The following CDH23 variants were observed in gnomAD, a reference collection of about 807,000 sequenced individuals.
The protein encoded by CDH23 is cadherin related 23.
In CDH23, 189 loss-of-function variants were observed where a neutral mutation model predicts 317.1. The observed-to-expected ratio is 0.60, with a 90% CI of 0.53 to 0.67. The LOEUF (loss-of-function observed/expected upper bound fraction) is 0.67, where lower values mean the gene tolerates loss of function less well. Ranked by LOEUF, CDH23 falls within the 30% of genes least tolerant of loss-of-function variation. CDH23 has a pLI of 0.00. For synonymous variants in CDH23, 1,839 were observed against 1,876.8 expected, an observed-to-expected ratio of 0.98 and a Z score of 0.52; for missense variants, 4,401 against 4,592.4, an observed-to-expected ratio of 0.96 and a Z score of 1.20.
intron 9 of CDH23, among the ~76,000 whole-genome samples, chr10:71,608,038 G>A (rs1860634235): frequency 6.6e-6 from 1 of 152,246 alleles, no homozygotes; most frequent in Non-Finnish European, 1.5e-5. Context: ...ACAGCCTGGT[G>A]AGGTAGGAGT....
chr10:71,671,462 C>A (rs1421398209), intron 14 of CDH23, among the ~76,000 whole-genome samples: 1 of 152,132 alleles, frequency 6.6e-6, no homozygotes, highest in African/African-American at 2.4e-5. Flanking sequence ...TATACATAGG[C>A]CCTTGGCACT....
At chr10:71,784,091 C>T (rs370673053) in intron 41 of CDH23, among the ~76,000 whole-genome samples, 196 bp from the exon 42 acceptor site, 2 of 152,178 alleles carry the variant, frequency 1.3e-5, no homozygotes, top group Admixed American at 6.5e-5. Context: ...GGTGGTGATC[C>T]GCTACCACCC....
intron 6 of CDH23, among the ~76,000 whole-genome samples, chr10:71,518,017 C>T (rs1854440075): frequency 6.6e-6 from 1 of 152,072 alleles, no homozygotes; most frequent in Non-Finnish European, 1.5e-5. Context: ...GCGACATATG[C>T]TTGTGGGCAG....
intron 28 of CDH23, among the ~76,000 whole-genome samples, chr10:71,722,341 C>T (rs558433252): frequency 1.3e-5 from 2 of 152,292 alleles, no homozygotes; most frequent in East Asian, 1.9e-4. Context: ...GGATACCCTA[C>T]AGGATCAAAG....
intron 3 of CDH23, among the ~76,000 whole-genome samples, chr10:71,484,897 A>G (rs552908356): frequency 6.6e-6 from 1 of 152,128 alleles, no homozygotes; most frequent in East Asian, 1.9e-4. Context: ...ACTTACATAC[A>G]AGTTCATGTA....
chr10:71,704,900 C>T lies in CDH23; in HGVS notation c.2734-11C>T, dbSNP rs1405023791. 6.2e-7 allele frequency: 1 copy of T among 1,607,608 alleles called. No individual in the cohort carries two copies. Among genetic ancestry groups the T allele is most frequent in the South Asian group, 1.1e-5 (1 of 90,982 alleles). On this transcript the variant is annotated splice_polypyrimidine_tract_variant and intron_variant, in intron 24 of 69. Transcript: ENST00000224721. ...CCTCCCCACCCTCATGCTGCCCCTCCTTGCCCTCAGGTGGTGGCCATCGAC... is the reference window on the plus strand; with the variant it reads ...CCTCCCCACCCTCATGCTGCCCCTCTTTGCCCTCAGGTGGTGGCCATCGAC...
At position 71,703,822 on chromosome 10, in the gene CDH23, C is replaced by T. The variant is rs540485761; in HGVS notation, c.2734-1089C>T. 3.1e-3 allele frequency among the ~76,000 whole-genome samples: 470 copies of T among 152,304 alleles called. 1 individual carries two copies. Among genetic ancestry groups the T allele is most frequent in the African/African-American group, 0.011 (440 of 41,562 alleles). On this transcript the variant is annotated intron_variant, in intron 24 of 69. Transcript: ENST00000224721. ...GGAAGCCCCCAGACCGGAGGGGAGG[C>T]GGGGTGAGAGCAAGTCAACCCCCAA...
chr10:71,513,419 G>A (rs545356525), intron 6 of CDH23, among the ~76,000 whole-genome samples: 1 of 152,160 alleles, frequency 6.6e-6, no homozygotes, highest in East Asian at 1.9e-4. Flanking sequence ...AAGCTTTCCT[G>A]CTTGCATTGA....
chr10:71,582,613 C>T (rs908429748), intron 9 of CDH23, among the ~76,000 whole-genome samples: 2 of 152,160 alleles, frequency 1.3e-5, no homozygotes, highest in South Asian at 4.1e-4. Context: ...CATCCGTTTT[C>T]CAATCTGTAA....
At chr10:71,760,018 C>CAT (rs1230443599) in intron 38 of CDH23, among the ~76,000 whole-genome samples, 1 of 104,184 alleles carries the variant, frequency 9.6e-6, no homozygotes, top group African/African-American at 3.3e-5. Context: ...TATACACACA[C>CAT]ACATATATAC....
chr10:71,459,662 C>G (rs1323249777), intron 3 of CDH23, among the ~76,000 whole-genome samples: 4 of 152,138 alleles, frequency 2.6e-5, no homozygotes, highest in African/African-American at 9.7e-5. Context: ...ACCAGGAATC[C>G]CCTTAATGCA....
chr10:71,514,478 AAC>A (rs1176396548), intron 6 of CDH23, among the ~76,000 whole-genome samples: 1 of 152,156 alleles, frequency 6.6e-6, no homozygotes, highest in Non-Finnish European at 1.5e-5. Context: ...TCAGGCCAGG[AAC>A]AGCAGGGAGT....
intron 3 of CDH23, among the ~76,000 whole-genome samples, chr10:71,507,014 G>A (rs1266067827): frequency 2.0e-5 from 3 of 152,190 alleles, no homozygotes; most frequent in African/African-American, 4.8e-5. Flanking sequence ...GCCTGAGAGA[G>A]CCATTTGGGA....
chr10:71,537,334 A>G (rs1855755924), intron 6 of CDH23, among the ~76,000 whole-genome samples: 2 of 152,228 alleles, frequency 1.3e-5, no homozygotes, highest in Non-Finnish European at 2.9e-5. Flanking sequence ...AGCCCGGGAC[A>G]TGATCCGTCA....
Position 71,732,257 on chromosome 10 carries a change from G to A in CDH23, c.3986G>A (p.Gly1329Asp), listed in dbSNP as rs201877610. 3.4e-4 allele frequency: 547 copies of A among 1,613,708 alleles called. No homozygotes were observed. Among genetic ancestry groups the A allele is most frequent in the Non-Finnish European group, 4.4e-4 (523 of 1,179,744 alleles). The change falls in exon 32 of 70, where the codon GGT becomes GAT. Residue 1329 changes from glycine (G) to aspartate (D), a missense_variant. Transcript: ENST00000224721. ...EAAILENLAL[G>D]TEIVRVQAYS... ...GCCATCCTGGAGAATCTGGCACTGG[G>A]TACTGAGATTGTGCGGGTCCAGGCC...
At position 71,462,775 on chromosome 10, in the gene CDH23, G is replaced by C. The variant is rs549420003; in HGVS notation, c.145+16380G>C. On this transcript the variant is annotated intron_variant, in intron 3 of 69. Transcript: ENST00000224721. ...CAACTCCTGTTGTACCTGGGAAGCC[G>C]CACCTGCCCCTGCCTGCACAGGTGC... 2.0e-5 allele frequency among the ~76,000 whole-genome samples: 3 copies of C among 152,004 alleles called. No individual in the cohort carries two copies. The East Asian group carries it at 5.8e-4, about 29-fold the overall frequency.
intron 3 of CDH23, among the ~76,000 whole-genome samples, chr10:71,484,425 C>T (rs1038579449): frequency 2.0e-5 from 3 of 152,126 alleles, no homozygotes; most frequent in East Asian, 1.9e-4. Flanking sequence ...AGAGAGGGGC[C>T]GCAGGATCAC....
At chr10:71,400,716 T>C (rs550350227) in intron 1 of CDH23, among the ~76,000 whole-genome samples, 3 of 152,236 alleles carry the variant, frequency 2.0e-5, no homozygotes, top group African/African-American at 7.2e-5. Context: ...GGAGAATCGC[T>C]TGAACCTGGA....
intron 3 of CDH23, among the ~76,000 whole-genome samples, chr10:71,478,056 A>T (rs564636790): frequency 1.3e-5 from 2 of 152,360 alleles, no homozygotes; most frequent in African/African-American, 4.8e-5. Flanking sequence ...GTTTCATAAT[A>T]ACCTTCCAAC....
Sources: allele counts gnomAD v4.1 joint callset (sites outside exome capture counted in the v4.1 genomes callset), GRCh38; gene constraint gnomAD v4.1.1; transcripts MANE v1.5; gene names NCBI Gene and HGNC (gene_info 2026-07-23, HGNC 2026-07-21).